The following CNTN5 variants were observed in gnomAD, a reference collection of about 807,000 sequenced individuals.
CNTN5 encodes contactin 5.
CNTN5 carries 77 observed loss-of-function variants against 129.1 expected under a neutral mutation model. The observed-to-expected ratio is 0.60, with a 90% CI of 0.50 to 0.72. The LOEUF (loss-of-function observed/expected upper bound fraction) is 0.72. Ranked by LOEUF, CNTN5 falls within the 30% of genes least tolerant of loss-of-function variation. The pLI is 0.00. For missense variants in CNTN5, 1,478 were observed against 1,328.8 expected (o/e 1.11, Z -1.75); for synonymous variants, 509 against 465.6 (o/e 1.09, Z -1.20).
At chr11:99,905,772 G>A (rs1010371533) in intron 6 of CNTN5, among the ~76,000 whole-genome samples, 13 of 152,272 alleles carry the variant, frequency 8.5e-5, no homozygotes, top group African/African-American at 2.9e-4. Context: ...CTATCCATGA[G>A]CATGGACGCC....
At chr11:99,518,747 T>A (rs964915023) in intron 2 of CNTN5, among the ~76,000 whole-genome samples, 5 of 151,618 alleles carry the variant, frequency 3.3e-5, no homozygotes, top group Non-Finnish European at 5.9e-5. Flanking sequence ...TCCTAATATC[T>A]TCTTCTTTTC....
At chr11:100,343,862 C>G (rs1048950275) in intron 23 of CNTN5, among the ~76,000 whole-genome samples, 1 of 151,994 alleles carries the variant, frequency 6.6e-6, no homozygotes, top group Non-Finnish European at 1.5e-5. Flanking sequence ...TAATAGCGGG[C>G]CACCTCTTCT....
chr11:100,138,633 T>C (rs2138243317), intron 13 of CNTN5, among the ~76,000 whole-genome samples: 1 of 152,084 alleles, frequency 6.6e-6, no homozygotes, highest in South Asian at 2.1e-4. Context: ...GTAGGTGATG[T>C]GGTTACAGAG....
rs541716377 is a variant in CNTN5 at position 100,184,097 on chromosome 11, C to A, written c.1581-7029C>A. On this transcript the variant is annotated intron_variant, in intron 13 of 24. Transcript: ENST00000524871. ...CCCTAAGAAGAGACTTAACTACTTCCGTAAATAGCTCAGGTTTCTGTGTTA... is the reference window on the plus strand; with the variant it reads ...CCCTAAGAAGAGACTTAACTACTTCAGTAAATAGCTCAGGTTTCTGTGTTA... Among the ~76,000 whole-genome samples the A allele has an allele frequency of 2.6e-5, 4 of 152,242 alleles. No homozygotes were observed. In the East Asian group the frequency reaches 5.8e-4, roughly 22 times the overall value.
chr11:99,993,424 G>T (rs2137425648), intron 8 of CNTN5, among the ~76,000 whole-genome samples: 1 of 152,204 alleles, frequency 6.6e-6, no homozygotes, highest in South Asian at 2.1e-4. Context: ...GCAGTGGGTG[G>T]TTCCCAACCA....
chr11:100,074,168 A>C lies in CNTN5; in HGVS notation c.1454A>C (p.Asn485Thr). 1 of 1,612,804 alleles carries C rather than the reference A, an allele frequency of 6.2e-7. No homozygotes were observed. The highest frequency in any genetic ancestry group is 8.5e-7 in the Non-Finnish European group (1 of 1,179,306). Residue 485 changes from asparagine (N) to threonine (T), a missense_variant, in exon 13 of 25, where the codon AAT becomes ACT. Asn to Thr is a moderately conservative substitution (Grantham distance 65, BLOSUM62 0). Coordinates refer to ENST00000524871, the MANE Select transcript of CNTN5 (RefSeq NM_014361.4). ...ILASAPTFALNQLKKTIIVTK... is the reference protein window; with the variant it reads ...ILASAPTFALTQLKKTIIVTK... ...GCTTCAGCTCCCACTTTTGCACTGA[A>C]TCAACTGAAGAAAACAATAATTGTT...
chr11:100,039,560 G>C (rs1942250744), intron 9 of CNTN5, among the ~76,000 whole-genome samples: 2 of 152,186 alleles, frequency 1.3e-5, no homozygotes, highest in Non-Finnish European at 2.9e-5. Flanking sequence ...ATCCTGCAGA[G>C]TGTTTTCCAC....
At chr11:99,034,042 T>C (rs1863556781) in intron 1 of CNTN5, among the ~76,000 whole-genome samples, 1 of 152,176 alleles carries the variant, frequency 6.6e-6, no homozygotes, top group Admixed American at 6.5e-5. Context: ...GGTTTTTGTC[T>C]TTGGTTCTGT....
At chr11:100,344,335 G>T (rs1952231606) in intron 23 of CNTN5, among the ~76,000 whole-genome samples, 1 of 152,196 alleles carries the variant, frequency 6.6e-6, no homozygotes, top group African/African-American at 2.4e-5. Flanking sequence ...AGAGGAAAAA[G>T]TAGATATTTT....
chr11:99,517,683 T>C (rs1385405753), intron 2 of CNTN5, among the ~76,000 whole-genome samples: 1 of 152,240 alleles, frequency 6.6e-6, no homozygotes, highest in Admixed American at 6.6e-5. Flanking sequence ...TTCTGTAAGC[T>C]AGTGATAACG....
chr11:99,720,152 G>C (rs995984956), intron 3 of CNTN5, among the ~76,000 whole-genome samples: 3 of 151,892 alleles, frequency 2.0e-5, no homozygotes, highest in African/African-American at 7.3e-5. Context: ...TGAGGAGGAG[G>C]GACTCCTCCA....
intron 3 of CNTN5, among the ~76,000 whole-genome samples, chr11:99,628,964 C>G (rs1048439845): frequency 1.3e-5 from 2 of 151,950 alleles, no homozygotes; most frequent in Non-Finnish European, 2.9e-5. Context: ...TGGAAAAAAT[C>G]TGGTAGACTC....
At chr11:99,235,660 T>C (rs1222058922) in intron 1 of CNTN5, among the ~76,000 whole-genome samples, 3 of 152,136 alleles carry the variant, frequency 2.0e-5, no homozygotes, top group African/African-American at 7.2e-5. Flanking sequence ...TTATCCAGAT[T>C]TGGTTAGATC....
intron 3 of CNTN5, among the ~76,000 whole-genome samples, chr11:99,781,328 A>T (rs1163742161): frequency 1.3e-5 from 2 of 152,068 alleles, no homozygotes; most frequent in East Asian, 1.9e-4. Context: ...ATATTTTGTG[A>T]AATGACTTAT....
chr11:99,705,579 A>T (rs143391909), intron 3 of CNTN5, among the ~76,000 whole-genome samples: 1 of 151,440 alleles, frequency 6.6e-6, no homozygotes, highest in East Asian at 1.9e-4. Flanking sequence ...TACTTTTGTC[A>T]GGTTTGCTTG....
At chr11:99,363,234 T>G (rs2136112788) in intron 2 of CNTN5, among the ~76,000 whole-genome samples, 1 of 152,254 alleles carries the variant, frequency 6.6e-6, no homozygotes, top group East Asian at 1.9e-4. Context: ...TTCATCTCCT[T>G]GGTGAAACTA....
chr11:99,451,028 A>G (rs1180873425), intron 2 of CNTN5, among the ~76,000 whole-genome samples: 2 of 152,066 alleles, frequency 1.3e-5, no homozygotes, highest in Non-Finnish European at 2.9e-5. Flanking sequence ...TATATCCGAC[A>G]CAGTTTCAGA....
At chr11:100,340,372 C>T (rs1414310574) in intron 21 of CNTN5, 91 bp from the exon 22 acceptor site, 3 of 905,528 alleles carry the variant, frequency 3.3e-6, no homozygotes, top group South Asian at 1.8e-5. Flanking sequence ...GGGTGGACTC[C>T]AGCAACATCC....
At chr11:99,832,263 A>G (rs961087756) in intron 4 of CNTN5, among the ~76,000 whole-genome samples, 1 of 152,230 alleles carries the variant, frequency 6.6e-6, no homozygotes, top group Non-Finnish European at 1.5e-5. Context: ...ACCACATTTA[A>G]CAATGCATTC....
Sources: allele counts gnomAD v4.1 joint callset (sites outside exome capture counted in the v4.1 genomes callset), GRCh38; gene constraint gnomAD v4.1.1; transcripts MANE v1.5; gene names NCBI Gene and HGNC (gene_info 2026-07-23, HGNC 2026-07-21).